SDCCAG8: variants seen among roughly 807,000 people sequenced by gnomAD.
SDCCAG8 encodes SHH signaling and ciliogenesis regulator SDCCAG8.
SDCCAG8 carries 74 observed loss-of-function variants against 101.8 expected under a neutral mutation model. That is an observed-to-expected ratio of 0.73 (90% CI 0.60 to 0.88). The LOEUF (loss-of-function observed/expected upper bound fraction) is 0.88. SDCCAG8 is among the 40% of genes least tolerant of loss of function. The pLI, the probability that SDCCAG8 is intolerant of heterozygous loss-of-function variation, is 0.00. For missense variants in SDCCAG8, 787 were observed against 822.6 expected, an observed-to-expected ratio of 0.96 and a Z score of 0.53; for synonymous variants, 281 against 292.9, an observed-to-expected ratio of 0.96 and a Z score of 0.41.
At chr1:243,344,121 CT>C (rs2075553647) in intron 11 of SDCCAG8, 93 bp from the exon 12 acceptor site, 2 of 946,822 alleles carry the variant, frequency 2.1e-6, no homozygotes, top group East Asian at 4.8e-5. Flanking sequence ...TGTATTTTAT[CT>C]ATATGACCTC....
chr1:243,459,172 A>ACTTTACAATAGT (rs1658483349), intron 16 of SDCCAG8, among the ~76,000 whole-genome samples: 2 of 152,352 alleles, frequency 1.3e-5, no homozygotes, highest in South Asian at 2.1e-4. Context: ...ACATTACTGT[A>ACTTTACAATAGT]CTTTACAATA....
chr1:243,288,082 G>A (rs577622693), intron 5 of SDCCAG8, among the ~76,000 whole-genome samples: 7 of 152,184 alleles, frequency 4.6e-5, no homozygotes, highest in Non-Finnish European at 1.0e-4. Flanking sequence ...AGATATGCCA[G>A]ATGACCTTGA....
intron 9 of SDCCAG8, among the ~76,000 whole-genome samples, chr1:243,329,193 G>A (rs775656342): frequency 7.3e-5 from 11 of 151,658 alleles, no homozygotes; most frequent in African/African-American, 9.7e-5. Context: ...AGGCATTCTC[G>A]GCTGGAATTT....
chr1:243,472,533 A>G (rs1196713208), intron 16 of SDCCAG8, among the ~76,000 whole-genome samples: 2 of 152,204 alleles, frequency 1.3e-5, no homozygotes, highest in African/African-American at 4.8e-5. Flanking sequence ...CCAGGTTAAA[A>G]ATGAATTCAC....
At chr1:243,415,028 C>G (rs1030625833) in intron 13 of SDCCAG8, among the ~76,000 whole-genome samples, 6 of 152,144 alleles carry the variant, frequency 3.9e-5, no homozygotes, top group Non-Finnish European at 7.4e-5. Flanking sequence ...AGTGTCCTAT[C>G]ACAGTACGAT....
intron 13 of SDCCAG8, among the ~76,000 whole-genome samples, chr1:243,395,048 G>A (rs938089227): frequency 3.9e-5 from 6 of 151,984 alleles, no homozygotes; most frequent in Non-Finnish European, 7.4e-5. Context: ...TTTTTCTTGC[G>A]TGTTTATGGA....
chr1:243,287,381 T>G (rs2069728990), intron 5 of SDCCAG8, among the ~76,000 whole-genome samples: 1 of 152,114 alleles, frequency 6.6e-6, no homozygotes, highest in Admixed American at 6.5e-5. Flanking sequence ...TCTTGATGTT[T>G]CATTGGGATA....
At chr1:243,464,395 A>G (rs1401956276) in intron 16 of SDCCAG8, among the ~76,000 whole-genome samples, 3 of 152,226 alleles carry the variant, frequency 2.0e-5, no homozygotes, top group Non-Finnish European at 4.4e-5. Context: ...TAGAAGACTA[A>G]TATAGTTAGC....
In SDCCAG8 at chr1:243,404,693, C is replaced by T. The variant is rs181667835; in HGVS notation, c.1617-11009C>T. Among the ~76,000 whole-genome samples the T allele has an allele frequency of 2.4e-4, 37 of 152,176 alleles. 1 individual carries two copies. In the East Asian group the frequency reaches 7.2e-3, roughly 29 times the overall value. On this transcript the variant is annotated intron_variant, in intron 13 of 17. Transcript: ENST00000366541. ...TTCTCAATCAAACTCTAAAAATGGA[C>T]TACAGTGGTCTTGTTGCCAAGTCAA... is the stretch of plus-strand genomic sequence containing the variant.
chr1:243,396,365 A>C (rs1330269820), intron 13 of SDCCAG8, among the ~76,000 whole-genome samples: 3 of 152,212 alleles, frequency 2.0e-5, no homozygotes, highest in Non-Finnish European at 4.4e-5. Context: ...ATATTTGAAC[A>C]TTAGTGAAAC....
At chr1:243,270,051 C>CTGAGTAA (rs1197073109) in intron 1 of SDCCAG8, 54 bp from the exon 2 acceptor site, 17 of 1,613,156 alleles carry the variant, frequency 1.1e-5, no homozygotes, top group Non-Finnish European at 1.4e-5. Context: ...AGTAAGTGTC[C>CTGAGTAA]GTTTGGTCAA....
Position 243,499,821 on chromosome 1 carries a change from A to C in SDCCAG8, c.*36A>C. 1 of 1,600,254 alleles carries C rather than the reference A, an allele frequency of 6.2e-7. No individual in the cohort carries two copies. Among genetic ancestry groups the C allele is most frequent in the Non-Finnish European group, 8.6e-7 (1 of 1,168,440 alleles). ...ACAGAGTGAAATAAATGATTTACAA[A>C]GAGATATTTACATTCATCTGGTTTA... On this transcript the variant is annotated 3_prime_UTR_variant, in exon 18 of 18. Coordinates refer to ENST00000366541, the MANE Select transcript of SDCCAG8 (RefSeq NM_006642.5).
intron 13 of SDCCAG8, among the ~76,000 whole-genome samples, chr1:243,402,246 C>T (rs139218197): frequency 1.2e-3 from 188 of 152,038 alleles, no homozygotes; most frequent in Non-Finnish European, 2.4e-3. Flanking sequence ...TAGCCAACAT[C>T]GGGAAACCTT....
intron 7 of SDCCAG8, chr1:243,305,664 A>G (rs980001644): frequency 2.6e-5 from 4 of 152,220 alleles, no homozygotes; most frequent in African/African-American, 4.8e-5. Context: ...TTTAAATAGT[A>G]GTAATGAAGT....
intron 13 of SDCCAG8, among the ~76,000 whole-genome samples, chr1:243,402,687 T>C (rs1272608942): frequency 6.6e-6 from 1 of 152,134 alleles, no homozygotes; most frequent in Non-Finnish European, 1.5e-5. Context: ...TGTTACTCAG[T>C]TTTCCAGCTT....
intron 16 of SDCCAG8, among the ~76,000 whole-genome samples, chr1:243,432,728 C>T (rs889813635): frequency 6.6e-6 from 1 of 151,938 alleles, no homozygotes; most frequent in African/African-American, 2.4e-5. Flanking sequence ...CCAATGGTGC[C>T]TTTTTCTTTC....
chr1:243,271,073 A>G lies in SDCCAG8; in HGVS notation c.306+10A>G. 1 of 1,573,232 alleles carries G rather than the reference A, an allele frequency of 6.4e-7. No individual in the cohort carries two copies. Among genetic ancestry groups the G allele is most frequent in the Non-Finnish European group, 8.8e-7 (1 of 1,142,764 alleles). On this transcript the variant is annotated intron_variant, in intron 3 of 17. Coordinates refer to ENST00000366541, the MANE Select transcript of SDCCAG8 (RefSeq NM_006642.5). The stretch of plus-strand genomic sequence containing the variant: ...AAAAATGTCCCCCTTGGTAAGTATC[A>G]ACTTTTCCAAGTTGACAAAGCATTC...
At chr1:243,339,532 G>C (rs2075261188) in intron 10 of SDCCAG8, among the ~76,000 whole-genome samples, 2 of 152,134 alleles carry the variant, frequency 1.3e-5, no homozygotes, top group South Asian at 4.1e-4. Context: ...TATTAGTAAA[G>C]CTAATTGTAT....
chr1:243,314,523 CATTT>C (rs1037199716), intron 8 of SDCCAG8, among the ~76,000 whole-genome samples: 1 of 152,160 alleles, frequency 6.6e-6, no homozygotes, highest in African/African-American at 2.4e-5. Context: ...ACTCTTTATT[CATTT>C]ATTTGTTTTC....
Sources: gnomAD v4.1 joint callset for allele counts (sites outside exome capture counted in the v4.1 genomes callset) on GRCh38, gnomAD v4.1.1 for gene constraint, MANE v1.5 for transcripts, NCBI Gene and HGNC (gene_info 2026-07-23, HGNC 2026-07-21) for gene names.